The following COL6A6 variants were observed in gnomAD, a reference collection of about 807,000 sequenced individuals.
The protein encoded by COL6A6 is collagen alpha-6(VI) chain.
Under a neutral mutation model 208.6 loss-of-function variants are expected in COL6A6, and 183 were observed. That is an observed-to-expected ratio of 0.88 (90% CI 0.78 to 0.99). The LOEUF (loss-of-function observed/expected upper bound fraction) is 0.99, where lower values mean the gene tolerates loss of function less well. Ranked by LOEUF, COL6A6 falls within the 50% of genes least tolerant of loss-of-function variation. The pLI, the probability that COL6A6 is intolerant of heterozygous loss-of-function variation, is 0.00. For missense variants in COL6A6, 2,816 were observed against 2,815.2 expected (o/e 1.00, Z -0.01); for synonymous variants, 973 against 1,011.8 (o/e 0.96, Z 0.73).
intron 1 of COL6A6, among the ~76,000 whole-genome samples, chr3:130,521,333 GAAGATCAT>G (rs1277605195): frequency 2.6e-5 from 4 of 152,174 alleles, no homozygotes; most frequent in Non-Finnish European, 5.9e-5. Context: ...ATAGAACTTT[GAAGATCAT>G]AAGCAAGTCA....
intron 26 of COL6A6, among the ~76,000 whole-genome samples, chr3:130,627,714 T>G (rs2064934679): frequency 6.6e-6 from 1 of 152,204 alleles, no homozygotes; most frequent in Admixed American, 6.5e-5. Flanking sequence ...CCTCTTATTA[T>G]TATGTTTGAT....
chr3:130,590,268 TATATATATATATATATATATATATATA>T (rs2063645897), intron 12 of COL6A6, among the ~76,000 whole-genome samples: 2 of 16,720 alleles, frequency 1.2e-4, no homozygotes, highest in African/African-American at 2.5e-4. Flanking sequence ...TATATATATA[TATATATATATATATATATATATATATA>T]TATATTTTTT....
chr3:130,563,476 G>A lies in COL6A6; in HGVS notation c.473G>A (p.Gly158Glu). The A allele has an allele frequency of 6.2e-7, 1 of 1,614,042 alleles. No homozygotes were observed. Among genetic ancestry groups the A allele is most frequent in the South Asian group, 1.1e-5 (1 of 91,084 alleles). ...EEASKALRKD[G>E]VKIISVGVQK... ...GCATCAAAGGCCCTGCGGAAAGACG[G>A]AGTGAAAATCATCTCTGTAGGGGTG... The change falls in exon 3 of 37, where the codon GGA becomes GAA. Residue 158 changes from glycine (G) to glutamate (E), a missense_variant. By Grantham distance (98) the Gly-to-Glu change is moderately conservative (BLOSUM62 -2). Transcript: ENST00000358511.
intron 23 of COL6A6, among the ~76,000 whole-genome samples, chr3:130,619,144 G>A (rs115139125): frequency 7.7e-4 from 117 of 152,252 alleles, no homozygotes; most frequent in African/African-American, 2.6e-3. Flanking sequence ...TTAATAGGAC[G>A]TGCCCGTTAA....
chr3:130,575,896 G>GT (rs374751022), intron 8 of COL6A6, among the ~76,000 whole-genome samples: 123 of 146,358 alleles, frequency 8.4e-4, no homozygotes, highest in Admixed American at 1.7e-3. Flanking sequence ...CTCCATCACA[G>GT]TTTTTTTTTT....
At chr3:130,667,670 A>G (rs2108481505) in intron 36 of COL6A6, among the ~76,000 whole-genome samples, 1 of 152,330 alleles carries the variant, frequency 6.6e-6, no homozygotes, top group Non-Finnish European at 1.5e-5. Context: ...GACTATAAAT[A>G]TTAATAAATG....
chr3:130,593,358 A>T, intron 17 of COL6A6, 106 bp downstream of exon 17: 1 of 883,112 alleles, frequency 1.1e-6, no homozygotes, highest in Non-Finnish European at 1.8e-6. Flanking sequence ...GTTTTGTGAC[A>T]GTCATAAAAC....
rs79308720 is a variant in COL6A6 at position 130,599,946 on chromosome 3, G to A, written c.4653+136G>A. The A allele has an allele frequency of 9.0e-4, 686 of 763,690 alleles. 2 individuals are homozygous for A. Among genetic ancestry groups the A allele is most frequent in the Middle Eastern group, 5.4e-3 (15 of 2,776 alleles). The allele number at this position is 763,690 out of a possible 1,614,324, so 47.3% of individuals were successfully genotyped here. On this transcript the variant is annotated intron_variant, in intron 20 of 36. Coordinates refer to ENST00000358511, the MANE Select transcript of COL6A6 (RefSeq NM_001102608.3). ...TGAGGAAACTAACTTATGACATCTC[G>A]CAGACCAGGGCTGGCAAAGGACTTG...
intron 1 of COL6A6, among the ~76,000 whole-genome samples, chr3:130,547,383 TG>T (rs2062537496): frequency 6.6e-6 from 1 of 152,228 alleles, no homozygotes; most frequent in Non-Finnish European, 1.5e-5. Context: ...CGGCACCCAC[TG>T]GGAACTCGCA....
intron 1 of COL6A6, among the ~76,000 whole-genome samples, chr3:130,520,018 ACT>A (rs1371221200): frequency 3.9e-5 from 6 of 152,194 alleles, no homozygotes; most frequent in Non-Finnish European, 8.8e-5. Flanking sequence ...AGGGCCTGTC[ACT>A]CTGGCATGCT....
intron 1 of COL6A6, among the ~76,000 whole-genome samples, chr3:130,519,955 C>T (rs1465901700): frequency 1.3e-5 from 2 of 152,174 alleles, no homozygotes; most frequent in Non-Finnish European, 1.5e-5. Context: ...ATCCGCCAAA[C>T]ATTGTAATCT....
intron 2 of COL6A6, among the ~76,000 whole-genome samples, chr3:130,560,859 A>G (rs2062865822): frequency 6.6e-6 from 1 of 152,186 alleles, no homozygotes; most frequent in Admixed American, 6.5e-5. Context: ...CTGGAGAGAA[A>G]GCTTCATAGC....
rs2062851793 is a variant in COL6A6 at position 130,560,202 on chromosome 3, G to A, written c.-31-132G>A. The A allele has an allele frequency of 5.5e-6, 3 of 549,548 alleles. No homozygotes were observed. In the Admixed American group the frequency reaches 1.1e-4, roughly 19 times the overall value. The allele number at this position is 549,548 out of a possible 1,614,324, so 34.0% of individuals were successfully genotyped here. ...CTCTAAGGCATTTCACATATTAGAA[G>A]GTCAGTGAACCTCAGAAATTCCTTG... On this transcript the variant is annotated intron_variant, in intron 1 of 36. Coordinates refer to ENST00000358511, the MANE Select transcript of COL6A6 (RefSeq NM_001102608.3).
intron 1 of COL6A6, among the ~76,000 whole-genome samples, chr3:130,524,173 G>C (rs1245381189): frequency 6.6e-6 from 1 of 152,184 alleles, no homozygotes; most frequent in African/African-American, 2.4e-5. Flanking sequence ...AGCTTGCACT[G>C]GTGAATGATG....
At chr3:130,534,236 T>G (rs2062173393) in intron 1 of COL6A6, among the ~76,000 whole-genome samples, 1 of 152,180 alleles carries the variant, frequency 6.6e-6, no homozygotes, top group Non-Finnish European at 1.5e-5. Context: ...GGAACCTCAC[T>G]GTTTTAATAT....
At position 130,570,201 on chromosome 3, in the gene COL6A6, A is replaced by G. The variant is rs1577733976; in HGVS notation, c.2402-617A>G. Among the ~76,000 whole-genome samples the G allele has an allele frequency of 2.0e-5, 3 of 152,344 alleles. No individual in the cohort carries two copies. In the East Asian group the frequency reaches 5.8e-4, roughly 29 times the overall value. On this transcript the variant is annotated intron_variant, in intron 6 of 36. Coordinates refer to ENST00000358511, the MANE Select transcript of COL6A6 (RefSeq NM_001102608.3). ...TCAGATTTAAAAAGTTAATAGCATC[A>G]TGCTAGAACAGCTTAGTTGGACCCA...
intron 33 of COL6A6, among the ~76,000 whole-genome samples, chr3:130,654,233 T>A (rs2065726284): frequency 6.6e-6 from 1 of 152,208 alleles, no homozygotes; most frequent in Non-Finnish European, 1.5e-5. Flanking sequence ...CTCACTTGGC[T>A]CATCTTTAAA....
chr3:130,531,964 G>A (rs1202512407), intron 1 of COL6A6, among the ~76,000 whole-genome samples: 1 of 152,170 alleles, frequency 6.6e-6, no homozygotes, highest in East Asian at 1.9e-4. Context: ...CAGGGGAAGA[G>A]GTTTTGGGAG....
chr3:130,627,151 G>GTACTTTATCTTTAGTACCTTTAGTA (rs2064914027), intron 25 of COL6A6, among the ~76,000 whole-genome samples, 168 bp from the exon 26 acceptor site: 1 of 152,132 alleles, frequency 6.6e-6, no homozygotes, highest in African/African-American at 2.4e-5. Flanking sequence ...ACTAACAATT[G>GTACTTTATCTTTAGTACCTTTAGTA]CCTTTAGTAC....
Sources: gnomAD v4.1 joint callset for allele counts (sites outside exome capture counted in the v4.1 genomes callset) on GRCh38, gnomAD v4.1.1 for gene constraint, MANE v1.5 for transcripts, NCBI Gene and HGNC (gene_info 2026-07-23, HGNC 2026-07-21) for gene names.